The following RAP1A variants were observed in gnomAD, a reference collection of about 807,000 sequenced individuals.
RAP1A encodes the protein RAP1A, member of RAS oncogene family.
RAP1A carries 6 observed loss-of-function variants against 26.4 expected under a neutral mutation model. The ratio of observed to expected loss-of-function variants is 0.23; its 90% CI spans 0.12 to 0.45. The LOEUF (loss-of-function observed/expected upper bound fraction) is 0.45, where lower values mean the gene tolerates loss of function less well. RAP1A is among the 20% of genes least tolerant of loss of function. The pLI, the probability that RAP1A is intolerant of heterozygous loss-of-function variation, is 0.99. For missense variants in RAP1A, 121 were observed against 217.2 expected (o/e 0.56, Z 2.78); for synonymous variants, 73 against 79.4 (o/e 0.92, Z 0.43).
At chr1:111,613,745 T>C (rs890497712) in intron 1 of RAP1A, among the ~76,000 whole-genome samples, 3 of 152,204 alleles carry the variant, frequency 2.0e-5, no homozygotes, top group African/African-American at 7.2e-5. Context: ...AATGTTAAGT[T>C]GCCAGAAAGG....
At chr1:111,652,872 A>T (rs1401954220) in intron 1 of RAP1A, among the ~76,000 whole-genome samples, 1 of 152,204 alleles carries the variant, frequency 6.6e-6, no homozygotes, top group Non-Finnish European at 1.5e-5. Flanking sequence ...AATAAATAAA[A>T]ATAAAAGAAA....
At chr1:111,570,978 G>A (rs1658037336) in intron 1 of RAP1A, among the ~76,000 whole-genome samples, 1 of 152,178 alleles carries the variant, frequency 6.6e-6, no homozygotes, top group South Asian at 2.1e-4. Flanking sequence ...ATTCAATTCT[G>A]ACACTAACTA....
chr1:111,543,496 G>A (rs1284242466), intron 1 of RAP1A, among the ~76,000 whole-genome samples: 5 of 152,134 alleles, frequency 3.3e-5, no homozygotes, highest in East Asian at 1.9e-4. Flanking sequence ...ACTCCCAATG[G>A]AGAGTATTCA....
chr1:111,617,738 T>G (rs1367714885), upstream of RAP1A, among the ~76,000 whole-genome samples: 1 of 149,242 alleles, frequency 6.7e-6, no homozygotes, highest in African/African-American at 2.5e-5. Flanking sequence ...CTGGCCCAAT[T>G]TTACCTCTCT....
intron 1 of RAP1A, among the ~76,000 whole-genome samples, chr1:111,567,715 T>C (rs999269779): frequency 3.3e-5 from 5 of 152,160 alleles, no homozygotes; most frequent in Non-Finnish European, 7.4e-5. Context: ...TCTTTCTCTA[T>C]CTTCCCCACC....
chr1:111,708,198 C>T (rs961144526), intron 6 of RAP1A, among the ~76,000 whole-genome samples: 25 of 152,084 alleles, frequency 1.6e-4, no homozygotes, highest in African/African-American at 5.1e-4. Context: ...AAACTAAAAA[C>T]CACAAATATT....
exon 1 of RAP1A, chr1:111,542,331 C>T: frequency 8.9e-6 from 4 of 449,848 alleles, no homozygotes; most frequent in South Asian, 6.7e-5. Context: ...AGAGAAGTGT[C>T]TGTGTGGCTC....
chr1:111,687,602 A>G (rs1330454502), intron 1 of RAP1A, among the ~76,000 whole-genome samples: 1 of 152,214 alleles, frequency 6.6e-6, no homozygotes, highest in African/African-American at 2.4e-5. Flanking sequence ...ATACTATATT[A>G]CTTCATATAT....
At chr1:111,559,087 A>C in intron 1 of RAP1A, among the ~76,000 whole-genome samples, 1 of 152,310 alleles carries the variant, frequency 6.6e-6, no homozygotes, top group East Asian at 1.9e-4. Flanking sequence ...AAAAACATGT[A>C]TTTAAACTTC....
Position 111,573,555 on chromosome 1 carries a change from G to C in RAP1A, c.-28+31046G>C, listed in dbSNP as rs147496160. 1.5e-3 allele frequency among the ~76,000 whole-genome samples: 230 copies of C among 152,178 alleles called. 6 individuals are homozygous for C. The East Asian group carries it at 0.042, about 28-fold the overall frequency. Reference sequence around the variant, plus strand: ...TCACCATGTTAGCCAGGCTGGTCTCGAACTCCTGACCTCAGGCAATCTGCC... The same window carrying C: ...TCACCATGTTAGCCAGGCTGGTCTCCAACTCCTGACCTCAGGCAATCTGCC... On this transcript the variant is annotated intron_variant, in intron 1 of 7. Coordinates refer to the RAP1A transcript ENST00000356415.
At chr1:111,546,131 T>A (rs867568465) in intron 1 of RAP1A, among the ~76,000 whole-genome samples, 1 of 152,188 alleles carries the variant, frequency 6.6e-6, no homozygotes, top group African/African-American at 2.4e-5. Flanking sequence ...GATTTTAGGA[T>A]CTGCTTGTCC....
At chr1:111,630,789 A>G (rs563670271) in intron 1 of RAP1A, among the ~76,000 whole-genome samples, 2 of 152,310 alleles carry the variant, frequency 1.3e-5, no homozygotes, top group South Asian at 4.1e-4. Context: ...TTGTCATCAC[A>G]AGGCTAGGAA....
chr1:111,665,507 A>C (rs921964335), intron 1 of RAP1A, among the ~76,000 whole-genome samples: 2 of 152,202 alleles, frequency 1.3e-5, no homozygotes, highest in Non-Finnish European at 2.9e-5. Flanking sequence ...CATGGCCTTA[A>C]ATTTTTTCTG....
chr1:111,567,406 T>G (rs1657946266), intron 1 of RAP1A, among the ~76,000 whole-genome samples: 1 of 152,200 alleles, frequency 6.6e-6, no homozygotes, highest in Non-Finnish European at 1.5e-5. Flanking sequence ...AGGCCTTAAA[T>G]GGCAAATCCA....
upstream of RAP1A, among the ~76,000 whole-genome samples, chr1:111,617,990 C>T (rs932621651): frequency 4.6e-5 from 7 of 151,300 alleles, no homozygotes; most frequent in East Asian, 3.9e-4. Flanking sequence ...TTGCAGTGAG[C>T]GGAGATCACA....
chr1:111,682,539 C>A (rs1185850165), intron 1 of RAP1A, among the ~76,000 whole-genome samples: 1 of 149,968 alleles, frequency 6.7e-6, no homozygotes, highest in East Asian at 1.9e-4. Flanking sequence ...CAATCCTAGT[C>A]TCTGATAAAA....
chr1:111,559,674 T>C (rs891669813), intron 1 of RAP1A, among the ~76,000 whole-genome samples: 1 of 152,226 alleles, frequency 6.6e-6, no homozygotes, highest in African/African-American at 2.4e-5. Flanking sequence ...TTATTATTAA[T>C]ATTTAAAACA....
At position 111,646,432 on chromosome 1, in the gene RAP1A, AAAC is replaced by A. The variant is rs1221531902; in HGVS notation, c.-28+26501_-28+26503del. On this transcript the variant is annotated intron_variant, in intron 1 of 7. Transcript: ENST00000369709. ...GTTTTCCTTTTTGTAAAAAAAAAAA[AAAC>A]AAAACAAAACCTCAATTCCCAAATT... Among the ~76,000 whole-genome samples, 14 of 135,758 alleles carry A rather than the reference AAAC, an allele frequency of 1.0e-4. 1 individual carries two copies. Among genetic ancestry groups the A allele is most frequent in the East Asian group, 2.2e-4 (1 of 4,482 alleles). 89.1% of individuals were successfully genotyped at this position (135,758 alleles called of 152,430 possible). A position where few individuals can be genotyped will look rare whatever the true frequency, so the allele number is the denominator to read the frequency against.
At chr1:111,694,474 A>C (rs1457900646) in intron 2 of RAP1A, among the ~76,000 whole-genome samples, 2 of 152,192 alleles carry the variant, frequency 1.3e-5, no homozygotes, top group Non-Finnish European at 1.5e-5. Flanking sequence ...CCCTGTTTTA[A>C]AGTTACCTAG....
Sources: allele counts gnomAD v4.1 joint callset (sites outside exome capture counted in the v4.1 genomes callset), GRCh38; gene constraint gnomAD v4.1.1; transcripts MANE v1.5; gene names NCBI Gene and HGNC (gene_info 2026-07-23, HGNC 2026-07-21).